MYRFL: variants seen among roughly 807,000 people sequenced by gnomAD.
The protein encoded by MYRFL is myelin regulatory factor-like protein.
MYRFL carries 88 observed loss-of-function variants against 109.4 expected under a neutral mutation model. The ratio of observed to expected loss-of-function variants is 0.80; its 90% CI spans 0.68 to 0.96. The LOEUF (loss-of-function observed/expected upper bound fraction) is 0.96, where lower values mean the gene tolerates loss of function less well. Ranked by LOEUF, MYRFL falls within the 40% of genes least tolerant of loss-of-function variation. MYRFL has a pLI of 0.00. For synonymous variants in MYRFL, 324 were observed against 320.9 expected, an observed-to-expected ratio of 1.01 and a Z score of -0.10; for missense variants, 957 against 954.9, an observed-to-expected ratio of 1.00 and a Z score of -0.03.
chr12:69,891,686 G>A lies in MYRFL; in HGVS notation c.903+520G>A, dbSNP rs3970812. Reference sequence around the variant, plus strand: ...CTTTCTTTCTTTCTTTCTTTCTTTCGTTCGTTCGTTCTTTCTTTCTTTTTT... The same window carrying A: ...CTTTCTTTCTTTCTTTCTTTCTTTCATTCGTTCGTTCTTTCTTTCTTTTTT... On this transcript the variant is annotated intron_variant, in intron 7 of 24. Transcript: ENST00000552032. Among the ~76,000 whole-genome samples, 2 of 67,770 alleles carry A rather than the reference G, an allele frequency of 3.0e-5. 1 individual carries two copies. The highest frequency in any genetic ancestry group is 6.1e-5 in the Non-Finnish European group (2 of 32,932). 44.5% of individuals were successfully genotyped at this position (67,770 alleles called of 152,430 possible).
chr12:69,861,622 G>A (rs1884674391), intron 2 of MYRFL, among the ~76,000 whole-genome samples: 1 of 152,016 alleles, frequency 6.6e-6, no homozygotes, highest in African/African-American at 2.4e-5. Flanking sequence ...AAATTTGTTT[G>A]AGTTCATTGT....
At chr12:69,847,551 T>A (rs1883632254) in intron 1 of MYRFL, among the ~76,000 whole-genome samples, 2 of 152,192 alleles carry the variant, frequency 1.3e-5, no homozygotes, top group South Asian at 4.1e-4. Context: ...CATTTTGGAT[T>A]CCATCTCTGT....
rs761716155 is a variant in MYRFL at position 69,825,504 on chromosome 12, A to G, written c.-14A>G. On this transcript the variant is annotated 5_prime_UTR_variant, in exon 1 of 25. Transcript: ENST00000552032. ...CGTTGTTTTATGAGGAAATAGTACTAGGATCACAGTACCATGGATGTGGTA... is the reference window on the plus strand; with the variant it reads ...CGTTGTTTTATGAGGAAATAGTACTGGGATCACAGTACCATGGATGTGGTA... The G allele has an allele frequency of 1.1e-5, 8 of 701,602 alleles. No homozygotes were observed. Among genetic ancestry groups the G allele is most frequent in the Non-Finnish European group, 2.1e-5 (8 of 384,178 alleles). The allele number at this position is 701,602 out of a possible 1,614,324, so 43.5% of individuals were successfully genotyped here. A position where few individuals can be genotyped will look rare whatever the true frequency, so the allele number is the denominator to read the frequency against.
rs773739304 is a variant in MYRFL, at chr12:69,886,838, G to T, written c.575G>T (p.Ser192Ile). 6.5e-7 allele frequency: 1 copy of T among 1,535,814 alleles called. No homozygotes were observed. The change falls in exon 6 of 25, where the codon AGC (serine) becomes ATC (isoleucine). Residue 192 changes from serine (S) to isoleucine (I), a missense_variant. Coordinates refer to ENST00000552032, the MANE Select transcript of MYRFL (RefSeq NM_182530.3). ...TTTGCAGTGACAAGTAGGAGTCGCA[G>T]CAGTGAAGTCCAGGACCCTGACAGT... ...HCRPMTSRSRSSEVQDPDSEG... is the reference protein window; with the variant it reads ...HCRPMTSRSRISEVQDPDSEG...
rs779650964 is a variant in MYRFL, at chr12:69,879,471, T to A, written c.464+18T>A. On this transcript the variant is annotated intron_variant, in intron 4 of 24. Transcript: ENST00000552032. ...AGCCCTGGGTAAAGAAAAAGATATT[T>A]AGTTATCAAAGACCTTTGCGGAAAG... 6 of 695,408 alleles carry A rather than the reference T, an allele frequency of 8.6e-6. No homozygotes were observed. In the East Asian group the frequency reaches 1.6e-4, roughly 19 times the overall value. The allele number at this position is 695,408 out of a possible 1,614,324, so 43.1% of individuals were successfully genotyped here.
intron 19 of MYRFL, among the ~76,000 whole-genome samples, chr12:69,936,913 G>A (rs941193413): frequency 6.6e-6 from 1 of 152,164 alleles, no homozygotes; most frequent in African/African-American, 2.4e-5. Flanking sequence ...AGTAGCACAA[G>A]CGAAGTAATT....
At chr12:69,854,099 C>T (rs1416822502) in intron 1 of MYRFL, among the ~76,000 whole-genome samples, 2 of 152,220 alleles carry the variant, frequency 1.3e-5, no homozygotes, top group African/African-American at 2.4e-5. Flanking sequence ...AATCCCGGCA[C>T]CTCGGGAGGC....
intron 22 of MYRFL, among the ~76,000 whole-genome samples, chr12:69,955,976 T>C (rs1177807127): frequency 6.6e-6 from 1 of 152,144 alleles, no homozygotes; most frequent in African/African-American, 2.4e-5. Context: ...TTATCTGTAA[T>C]ATAAGTATTA....
At chr12:69,919,787 T>C (rs892505254) in intron 13 of MYRFL, among the ~76,000 whole-genome samples, 1 of 152,214 alleles carries the variant, frequency 6.6e-6, no homozygotes, top group Non-Finnish European at 1.5e-5. Flanking sequence ...TTTATTCCCA[T>C]GGTTTTATTA....
At chr12:69,846,295 C>T (rs563936811) in intron 1 of MYRFL, among the ~76,000 whole-genome samples, 10 of 150,954 alleles carry the variant, frequency 6.6e-5, no homozygotes, top group South Asian at 2.1e-4. Context: ...CCCATTAACT[C>T]GTCATTTAGC....
intron 5 of MYRFL, among the ~76,000 whole-genome samples, chr12:69,883,644 C>T (rs1037787541): frequency 6.7e-6 from 1 of 149,856 alleles, no homozygotes; most frequent in Non-Finnish European, 1.5e-5. Flanking sequence ...GGGTGGATCG[C>T]TTGAGCCCAG....
intron 1 of MYRFL, among the ~76,000 whole-genome samples, chr12:69,826,593 G>A (rs561691628): frequency 7.6e-4 from 115 of 152,028 alleles, no homozygotes; most frequent in Non-Finnish European, 1.5e-3. Flanking sequence ...TATTTCTATG[G>A]GATCCCTATA....
chr12:69,932,729 T>C, intron 16 of MYRFL, 131 bp downstream of exon 16: 1 of 634,098 alleles, frequency 1.6e-6, no homozygotes. Context: ...GACACTGAAC[T>C]CTGATAGCAT....
chr12:69,915,329 T>A (rs1592821596), intron 13 of MYRFL, among the ~76,000 whole-genome samples: 1 of 152,184 alleles, frequency 6.6e-6, no homozygotes, highest in South Asian at 2.1e-4. Context: ...GTACAGCCTC[T>A]CCATTCTTCA....
intron 19 of MYRFL, among the ~76,000 whole-genome samples, chr12:69,941,883 A>G (rs1452840152): frequency 6.7e-6 from 1 of 150,004 alleles, no homozygotes; most frequent in Non-Finnish European, 1.5e-5. Flanking sequence ...AATACAAACT[A>G]CCATCAGAGA....
chr12:69,911,861 C>T (rs1016143394), intron 13 of MYRFL, among the ~76,000 whole-genome samples: 1 of 152,046 alleles, frequency 6.6e-6, no homozygotes, highest in Non-Finnish European at 1.5e-5. Context: ...GGTAATGCTC[C>T]CTGAACTTCA....
chr12:69,872,482 C>T (rs1423303718), intron 2 of MYRFL, among the ~76,000 whole-genome samples: 1 of 151,954 alleles, frequency 6.6e-6, no homozygotes, highest in South Asian at 2.1e-4. Flanking sequence ...CACAACCACA[C>T]CTGGCTAATC....
chr12:69,911,152 A>G (rs1483631419), intron 13 of MYRFL, among the ~76,000 whole-genome samples: 5 of 152,232 alleles, frequency 3.3e-5, no homozygotes, highest in Non-Finnish European at 7.3e-5. Flanking sequence ...GAAAATGCAT[A>G]TGCAATAGTA....
intron 2 of MYRFL, among the ~76,000 whole-genome samples, chr12:69,872,877 C>T (rs565468438): frequency 6.2e-4 from 95 of 152,270 alleles, no homozygotes; most frequent in Middle Eastern, 3.4e-3. Context: ...AGCAATCCTC[C>T]TGCCTCAGCG....
Sources: allele counts gnomAD v4.1 joint callset (sites outside exome capture counted in the v4.1 genomes callset), GRCh38; gene constraint gnomAD v4.1.1; transcripts MANE v1.5; gene names NCBI Gene and HGNC (gene_info 2026-07-23, HGNC 2026-07-21).